The following LRRTM3 variants were observed in gnomAD, a reference collection of about 807,000 sequenced individuals.
The protein encoded by LRRTM3 is leucine-rich repeat transmembrane neuronal protein 3.
A neutral mutation model predicts 44.7 loss-of-function variants in LRRTM3; 24 were observed. The observed-to-expected ratio is 0.54, with a 90% CI of 0.39 to 0.76. The LOEUF (loss-of-function observed/expected upper bound fraction) is 0.76, where lower values mean the gene tolerates loss of function less well. Ranked by LOEUF, LRRTM3 falls within the 30% of genes least tolerant of loss-of-function variation. The pLI is 0.00. For synonymous variants in LRRTM3, 277 were observed against 278.7 expected (o/e 0.99, Z 0.06); for missense variants, 587 against 702.2 (o/e 0.84, Z 1.85).
chr10:67,014,289 G>T (rs532445012), intron 2 of LRRTM3, among the ~76,000 whole-genome samples: 31 of 152,192 alleles, frequency 2.0e-4, no homozygotes, highest in African/African-American at 7.0e-4. Flanking sequence ...GTGGTAATAG[G>T]TTTACACAAA....
chr10:66,944,949 A>T (rs1848205407), intron 2 of LRRTM3, among the ~76,000 whole-genome samples: 1 of 152,136 alleles, frequency 6.6e-6, no homozygotes, highest in Admixed American at 6.5e-5. Flanking sequence ...CATGCTATAA[A>T]CACATGTGCT....
intron 2 of LRRTM3, among the ~76,000 whole-genome samples, chr10:67,045,474 GCTGA>G (rs1384078689): frequency 6.6e-6 from 1 of 152,108 alleles, no homozygotes; most frequent in East Asian, 1.9e-4. Context: ...TGTTGCGAGG[GCTGA>G]CTTTCAATAG....
intron 2 of LRRTM3, among the ~76,000 whole-genome samples, chr10:67,017,733 G>A (rs1054736693): frequency 1.3e-5 from 2 of 151,566 alleles, no homozygotes; most frequent in African/African-American, 4.9e-5. Flanking sequence ...ATCTGTGTGT[G>A]TGTGTGTGTG....
At chr10:66,979,625 T>A (rs1306398508) in intron 2 of LRRTM3, among the ~76,000 whole-genome samples, 1 of 152,060 alleles carries the variant, frequency 6.6e-6, no homozygotes, top group Non-Finnish European at 1.5e-5. Context: ...ATCAGTAAAA[T>A]GGGGAGTATA....
intron 2 of LRRTM3, among the ~76,000 whole-genome samples, chr10:67,009,282 TAATAA>T (rs1363565866): frequency 6.6e-6 from 1 of 152,142 alleles, no homozygotes; most frequent in African/African-American, 2.4e-5. Flanking sequence ...CATCTTCCCA[TAATAA>T]ATGTTGTGTT....
intron 2 of LRRTM3, among the ~76,000 whole-genome samples, chr10:67,010,203 C>T (rs1852232106): frequency 6.6e-6 from 1 of 152,082 alleles, no homozygotes; most frequent in South Asian, 2.1e-4. Context: ...TTTATAAATA[C>T]ATATTGTTCT....
rs35905009 is a variant in LRRTM3, at chr10:67,028,648, TAA to T, written c.1537-68923_1537-68922del. On this transcript the variant is annotated intron_variant, in intron 2 of 2. Coordinates refer to ENST00000361320, the MANE Select transcript of LRRTM3 (RefSeq NM_178011.5). ...ACTGATACAACAAGCTAGTTCTACT[TAA>T]AAAAAAAAAAAAAAAGTTCTTGGAG... Among the ~76,000 whole-genome samples, 896 of 142,222 alleles carry T rather than the reference TAA, an allele frequency of 6.3e-3. 6 individuals carry two copies. The highest frequency in any genetic ancestry group is 0.019 in the African/African-American group (719 of 38,660). 93.3% of individuals were successfully genotyped at this position (142,222 alleles called of 152,430 possible).
At chr10:66,985,375 C>T (rs1364227319) in intron 2 of LRRTM3, among the ~76,000 whole-genome samples, 1 of 152,110 alleles carries the variant, frequency 6.6e-6, no homozygotes, top group Non-Finnish European at 1.5e-5. Flanking sequence ...GTTCCTACAG[C>T]TCAGAACATG....
At chr10:67,061,350 C>G (rs888286773) in intron 2 of LRRTM3, among the ~76,000 whole-genome samples, 1 of 152,168 alleles carries the variant, frequency 6.6e-6, no homozygotes, top group African/African-American at 2.4e-5. Context: ...GATGACAGCA[C>G]TATTTACAAA....
chr10:67,034,432 T>C (rs988599645), intron 2 of LRRTM3, among the ~76,000 whole-genome samples: 1 of 152,198 alleles, frequency 6.6e-6, no homozygotes, highest in African/African-American at 2.4e-5. Context: ...TACTTCTATG[T>C]TGGTTTATGA....
intron 2 of LRRTM3, among the ~76,000 whole-genome samples, chr10:66,947,834 G>A (rs79433532): frequency 0.019 from 2,841 of 152,186 alleles, 81 homozygotes; most frequent in African/African-American, 0.065. Flanking sequence ...GTCATGTGGC[G>A]CTTAGCGACA....
intron 2 of LRRTM3, among the ~76,000 whole-genome samples, chr10:66,952,113 T>C (rs965433367): frequency 6.6e-6 from 1 of 152,210 alleles, no homozygotes; most frequent in Non-Finnish European, 1.5e-5. Context: ...CCCCCCAATA[T>C]TTTTAAGCAT....
At chr10:66,930,930 C>T (rs1847351553) in intron 2 of LRRTM3, among the ~76,000 whole-genome samples, 1 of 152,090 alleles carries the variant, frequency 6.6e-6, no homozygotes, top group African/African-American at 2.4e-5. Flanking sequence ...CTGTAATTCT[C>T]AGTATCTTCT....
In LRRTM3 at chr10:67,101,408, C is replaced by T. The variant is rs1268926716; in HGVS notation, c.*3612C>T. Among the ~76,000 whole-genome samples the T allele has an allele frequency of 6.6e-6, 1 of 151,152 alleles. No homozygotes were observed. The highest frequency in any genetic ancestry group is 1.5e-5 in the Non-Finnish European group (1 of 67,682). ...CTTTTGGCAAGATTTCTTCTTAAAC[C>T]ATGAAATTTTTTTTACTTGTAATAA... On this transcript the variant is annotated 3_prime_UTR_variant, in exon 3 of 3. Coordinates refer to ENST00000361320, the MANE Select transcript of LRRTM3 (RefSeq NM_178011.5).
chr10:67,049,958 G>A (rs1349787485), intron 2 of LRRTM3, among the ~76,000 whole-genome samples: 2 of 152,170 alleles, frequency 1.3e-5, no homozygotes, highest in Non-Finnish European at 2.9e-5. Flanking sequence ...ACTGAGGGAT[G>A]TATTATTCAT....
At chr10:67,062,340 C>G (rs924466225) in intron 2 of LRRTM3, among the ~76,000 whole-genome samples, 1 of 152,144 alleles carries the variant, frequency 6.6e-6, no homozygotes, top group Non-Finnish European at 1.5e-5. Context: ...TCTGTACATG[C>G]CAGCAGTGCT....
At chr10:67,045,328 C>T (rs1481468165) in intron 2 of LRRTM3, among the ~76,000 whole-genome samples, 1 of 152,112 alleles carries the variant, frequency 6.6e-6, no homozygotes, top group African/African-American at 2.4e-5. Flanking sequence ...TAAAGAACCA[C>T]AGGAGATTGA....
intron 2 of LRRTM3, among the ~76,000 whole-genome samples, chr10:66,999,091 C>G (rs1318566374): frequency 6.6e-6 from 1 of 151,960 alleles, no homozygotes; most frequent in African/African-American, 2.4e-5. Flanking sequence ...AATTGGAACA[C>G]TATAGAAACA....
intron 2 of LRRTM3, among the ~76,000 whole-genome samples, chr10:66,941,020 T>TA (rs936563026): frequency 1.3e-4 from 20 of 151,870 alleles, no homozygotes; most frequent in Admixed American, 7.2e-4. Flanking sequence ...TGTAATTTAA[T>TA]AAAAAAAAGA....
Sources: allele counts gnomAD v4.1 joint callset (sites outside exome capture counted in the v4.1 genomes callset), GRCh38; gene constraint gnomAD v4.1.1; transcripts MANE v1.5; gene names NCBI Gene and HGNC (gene_info 2026-07-23, HGNC 2026-07-21).